Variants in TMEM117 observed in about 807,000 individuals in gnomAD.
TMEM117 encodes transmembrane protein 117.
TMEM117 carries 27 observed loss-of-function variants against 52.4 expected under a neutral mutation model. The observed-to-expected ratio is 0.51, with a 90% CI of 0.38 to 0.71. The LOEUF (loss-of-function observed/expected upper bound fraction) is 0.71, where lower values mean the gene tolerates loss of function less well. Ranked by LOEUF, TMEM117 falls within the 30% of genes least tolerant of loss-of-function variation. The pLI, the probability that TMEM117 is intolerant of heterozygous loss-of-function variation, is 0.00. For missense variants in TMEM117, 556 were observed against 630.5 expected, an observed-to-expected ratio of 0.88 and a Z score of 1.26; for synonymous variants, 215 against 206.3, an observed-to-expected ratio of 1.04 and a Z score of -0.36.
chr12:44,169,085 G>T (rs1011798826), intron 4 of TMEM117, among the ~76,000 whole-genome samples: 2 of 152,052 alleles, frequency 1.3e-5, no homozygotes, highest in Non-Finnish European at 2.9e-5. Context: ...ACTAAATTTT[G>T]TTTATTCATT....
intron 2 of TMEM117, among the ~76,000 whole-genome samples, chr12:43,848,541 C>G (rs375125184): frequency 6.6e-6 from 1 of 152,108 alleles, no homozygotes; most frequent in African/African-American, 2.4e-5. Flanking sequence ...TCTTTTTGCC[C>G]GACCCCTCAG....
intron 4 of TMEM117, among the ~76,000 whole-genome samples, chr12:44,150,127 A>G (rs1948700085): frequency 2.0e-5 from 3 of 152,182 alleles, no homozygotes; most frequent in Non-Finnish European, 4.4e-5. Flanking sequence ...GTACATTCGT[A>G]TGTTCCATTT....
chr12:44,057,619 T>C (rs890743138), intron 3 of TMEM117, among the ~76,000 whole-genome samples: 3 of 151,242 alleles, frequency 2.0e-5, no homozygotes, highest in African/African-American at 7.3e-5. Context: ...TGTGGCCAGC[T>C]AATTGATAAG....
chr12:44,199,897 C>T (rs1419434987), intron 4 of TMEM117, among the ~76,000 whole-genome samples: 1 of 152,160 alleles, frequency 6.6e-6, no homozygotes, highest in African/African-American at 2.4e-5. Context: ...GCAGGTGGAT[C>T]ACCTGAGGTC....
intron 3 of TMEM117, among the ~76,000 whole-genome samples, chr12:44,027,127 ATTTTATATTT>A (rs1325367880): frequency 7.1e-6 from 1 of 139,948 alleles, no homozygotes; most frequent in Non-Finnish European, 1.5e-5. Flanking sequence ...TTATTATTTT[ATTTTATATTT>A]TATTTTATTT....
chr12:44,168,585 A>G (rs1210908478), intron 4 of TMEM117, among the ~76,000 whole-genome samples: 1 of 152,140 alleles, frequency 6.6e-6, no homozygotes, highest in Non-Finnish European at 1.5e-5. Context: ...GTGTCGGGCT[A>G]TTCTAAATAA....
chr12:44,181,124 T>C (rs1412200372), intron 4 of TMEM117, among the ~76,000 whole-genome samples: 54 of 151,806 alleles, frequency 3.6e-4, no homozygotes, highest in Non-Finnish European at 6.5e-4. Context: ...CATTTTTTCA[T>C]GTGTTTTTTG....
At chr12:43,830,593 G>A in the TMEM117 span, among the ~76,000 whole-genome samples, 1 of 143,240 alleles carries the variant, frequency 7.0e-6, no homozygotes, top group Non-Finnish European at 1.5e-5. Context: ...CTGGGCAACA[G>A]AGCAAGACAC....
chr12:43,990,656 C>T (rs1425651891), intron 3 of TMEM117, among the ~76,000 whole-genome samples: 1 of 152,088 alleles, frequency 6.6e-6, no homozygotes. Flanking sequence ...GATCTCAAAG[C>T]ATCTTGCCTG....
chr12:43,986,164 A>G (rs909992625), intron 3 of TMEM117, among the ~76,000 whole-genome samples: 4 of 150,600 alleles, frequency 2.7e-5, no homozygotes, highest in African/African-American at 1.0e-4. Context: ...ACAAAGATGA[A>G]TGTGTTTTAA....
At chr12:43,865,644 C>G (rs1943580028) in intron 2 of TMEM117, among the ~76,000 whole-genome samples, 1 of 151,450 alleles carries the variant, frequency 6.6e-6, no homozygotes, top group Non-Finnish European at 1.5e-5. Flanking sequence ...TTGTAGTGAG[C>G]TGATATCGCA....
chr12:43,967,497 C>G (rs1398269933), intron 3 of TMEM117, among the ~76,000 whole-genome samples: 1 of 152,020 alleles, frequency 6.6e-6, no homozygotes, highest in African/African-American at 2.4e-5. Context: ...AGCCCTTACT[C>G]TGGGGGAAGC....
intron 5 of TMEM117, among the ~76,000 whole-genome samples, chr12:44,228,299 G>A (rs559201409): frequency 6.6e-6 from 1 of 152,228 alleles, no homozygotes; most frequent in Admixed American, 6.5e-5. Context: ...ATGAAAAAAA[G>A]TAGATAGATT....
At chr12:44,035,537 A>C (rs779290692) in intron 3 of TMEM117, among the ~76,000 whole-genome samples, 1 of 152,202 alleles carries the variant, frequency 6.6e-6, no homozygotes, top group Non-Finnish European at 1.5e-5. Flanking sequence ...TGACTGAATA[A>C]ACTTGAAGCA....
At chr12:44,050,147 T>G (rs888822818) in intron 3 of TMEM117, among the ~76,000 whole-genome samples, 1 of 152,170 alleles carries the variant, frequency 6.6e-6, no homozygotes. Context: ...GACTACAGTC[T>G]TTGTTTGCTA....
Position 43,851,435 on chromosome 12 carries a change from C to T in TMEM117, c.277+6507C>T, listed in dbSNP as rs114858047. 7.6e-3 allele frequency among the ~76,000 whole-genome samples: 1,158 copies of T among 151,780 alleles called. 13 individuals carry two copies. The highest frequency in any genetic ancestry group is 0.025 in the African/African-American group (1,055 of 41,422). On this transcript the variant is annotated intron_variant, in intron 2 of 7. Transcript: ENST00000266534. ...ATGTCAGTTTATACTCTTCCAGTAC[C>T]TCTCTCTCTCATTTGCTTGGATGAT...
intron 3 of TMEM117, among the ~76,000 whole-genome samples, chr12:44,064,252 A>G (rs1410292312): frequency 1.3e-5 from 2 of 152,102 alleles, no homozygotes; most frequent in East Asian, 3.8e-4. Flanking sequence ...CATTATTTCT[A>G]TTTTGTTTTT....
intron 3 of TMEM117, among the ~76,000 whole-genome samples, chr12:43,997,257 C>G (rs943410824): frequency 6.6e-6 from 1 of 152,182 alleles, no homozygotes; most frequent in South Asian, 2.1e-4. Context: ...TGGAACTTCT[C>G]TCTCCATGTG....
chr12:44,124,833 T>A (rs1948295836), intron 3 of TMEM117, among the ~76,000 whole-genome samples: 1 of 152,220 alleles, frequency 6.6e-6, no homozygotes, highest in Non-Finnish European at 1.5e-5. Flanking sequence ...TTTGCATCAA[T>A]GTTCACCAAG....
Sources: allele counts gnomAD v4.1 joint callset (sites outside exome capture counted in the v4.1 genomes callset), GRCh38; gene constraint gnomAD v4.1.1; transcripts MANE v1.5; gene names NCBI Gene and HGNC (gene_info 2026-07-23, HGNC 2026-07-21).